The following EPSTI1 variants were observed in gnomAD, a reference collection of about 807,000 sequenced individuals.
The protein encoded by EPSTI1 is epithelial stromal interaction 1, also known as epithelial-stromal interaction protein 1.
Under a neutral mutation model 49.9 loss-of-function variants are expected in EPSTI1, and 66 were observed. That is an observed-to-expected ratio of 1.32 (90% CI 1.08 to 1.62). The LOEUF (loss-of-function observed/expected upper bound fraction) is 1.62, where lower values mean the gene tolerates loss of function less well. Ranked by LOEUF, EPSTI1 falls within the 40% of genes most tolerant of loss-of-function variation. The probability of loss-of-function intolerance (pLI) is 0.00; values close to 1 mark genes in which losing one functional copy is unlikely to be tolerated. For synonymous variants in EPSTI1, 137 were observed against 130.7 expected (o/e 1.05, Z -0.33); for missense variants, 394 against 365.5 (o/e 1.08, Z -0.64).
In EPSTI1 at chr13:42,953,939, T is replaced by C. The variant is rs2039181515; in HGVS notation, c.563+9A>G. 6.2e-7 allele frequency: 1 copy of C among 1,609,302 alleles called. No homozygotes were observed. The highest frequency in any genetic ancestry group is 1.7e-5 in the Admixed American group (1 of 59,246). On this transcript the variant is annotated intron_variant, in intron 6 of 10. Coordinates refer to ENST00000313624, the MANE Select transcript of EPSTI1 (RefSeq NM_033255.5). ...ATAAAGGCACGAAGTTCTGAAAACA[T>C]TAACTTACTATTGCTGATGCTCTCT...
intron 1 of EPSTI1, among the ~76,000 whole-genome samples, chr13:42,980,331 G>A (rs1204069209): frequency 6.6e-6 from 1 of 152,176 alleles, no homozygotes; most frequent in Non-Finnish European, 1.5e-5. Flanking sequence ...AAAGGGCATT[G>A]TATTAGTCCA....
intron 7 of EPSTI1, among the ~76,000 whole-genome samples, chr13:42,918,119 A>C (rs1255670207): frequency 1.3e-5 from 2 of 152,206 alleles, no homozygotes; most frequent in Non-Finnish European, 2.9e-5. Context: ...ATATTTTCTA[A>C]GCACTTGCAT....
intron 6 of EPSTI1, among the ~76,000 whole-genome samples, chr13:42,941,004 T>C (rs987107542): frequency 6.6e-6 from 1 of 152,204 alleles, no homozygotes; most frequent in Non-Finnish European, 1.5e-5. Flanking sequence ...TATTTTTTCC[T>C]AGATTATTAT....
chr13:42,926,216 G>A (rs189935538), intron 7 of EPSTI1, 120 bp downstream of exon 7: 39 of 723,472 alleles, frequency 5.4e-5, no homozygotes, highest in Middle Eastern at 4.8e-4. Context: ...TTCGGATCAG[G>A]TCATCTGTCT....
intron 1 of EPSTI1, among the ~76,000 whole-genome samples, chr13:42,989,873 G>A (rs547926875): frequency 1.3e-5 from 2 of 152,038 alleles, no homozygotes; most frequent in African/African-American, 4.8e-5. Context: ...GATTACAGGC[G>A]TGAGACACCA....
At chr13:42,954,453 A>C (rs759119959) in intron 5 of EPSTI1, among the ~76,000 whole-genome samples, 3 of 152,232 alleles carry the variant, frequency 2.0e-5, no homozygotes, top group Non-Finnish European at 4.4e-5. Context: ...GTATTTGAGA[A>C]GAGATTTTCA....
chr13:42,900,214 A>G, intron 9 of EPSTI1, 96 bp downstream of exon 9: 1 of 1,130,900 alleles, frequency 8.8e-7, no homozygotes, highest in East Asian at 2.4e-5. Flanking sequence ...CCAAAACCAT[A>G]TTAATAATGT....
chr13:42,897,561 T>TCATC (rs1237784701), intron 9 of EPSTI1, among the ~76,000 whole-genome samples: 1 of 152,172 alleles, frequency 6.6e-6, no homozygotes, highest in East Asian at 1.9e-4. Flanking sequence ...ACAACATGGA[T>TCATC]GATGAGTGCA....
At chr13:42,954,760 C>T (rs2039208156) in intron 5 of EPSTI1, among the ~76,000 whole-genome samples, 1 of 152,106 alleles carries the variant, frequency 6.6e-6, no homozygotes, top group Admixed American at 6.5e-5. Context: ...AATTCCTAGA[C>T]AACAAATTTA....
At chr13:42,908,484 G>GAAA (rs140923122) in intron 8 of EPSTI1, among the ~76,000 whole-genome samples, 280 of 113,166 alleles carry the variant, frequency 2.5e-3, no homozygotes, top group South Asian at 8.3e-3. Context: ...ACTCTGTTAT[G>GAAA]AAAAAAAAAA....
At chr13:42,926,295 TA>T in intron 7 of EPSTI1, 40 bp downstream of exon 7, 1 of 1,159,414 alleles carries the variant, frequency 8.6e-7, no homozygotes, top group Non-Finnish European at 1.3e-6. Flanking sequence ...AATACCTCTA[TA>T]AAATGTGCCA....
rs937802582 is a variant in EPSTI1 at position 42,887,954 on chromosome 13, A to T, written c.*540T>A. The T allele has an allele frequency of 4.8e-6, 1 of 208,854 alleles. No individual in the cohort carries two copies. The highest frequency in any genetic ancestry group is 2.3e-5 in the African/African-American group (1 of 42,910). The allele number at this position is 208,854 out of a possible 1,614,324, so 12.9% of individuals were successfully genotyped here. A position where few individuals can be genotyped will look rare whatever the true frequency, so the allele number is the denominator to read the frequency against. ...CCCTTCAAGAGAGAAAACCCCAATA[A>T]CTTTTCATTAAAAATAAAAATGACC... is the stretch of plus-strand genomic sequence containing the variant. On this transcript the variant is annotated 3_prime_UTR_variant, in exon 11 of 11. Transcript: ENST00000313624.
chr13:42,890,280 G>T (rs895783184), intron 10 of EPSTI1, among the ~76,000 whole-genome samples: 1 of 134,600 alleles, frequency 7.4e-6, no homozygotes, highest in Non-Finnish European at 1.6e-5. Flanking sequence ...CAAAATTTAA[G>T]AATTTTTTTT....
chr13:42,926,380 T>C lies in EPSTI1; in HGVS notation c.613A>G (p.Ser205Gly), dbSNP rs767137307. ...CCACAAACAGCACTTTGACAGGCAC[T>C]TCTGTCTGGCGATTCTGTGTTCAGT... is the stretch of plus-strand genomic sequence containing the variant. ...SKLNTESPDR[S>G]ACQSAVCGPQ... The change falls in exon 7 of 11, where the codon AGT (serine) becomes GGT (glycine). Residue 205 changes from serine (S) to glycine (G), a missense_variant. Physicochemically the swap from Ser to Gly is moderately conservative, Grantham distance 56. Transcript: ENST00000313624. 3 of 1,613,774 alleles carry C rather than the reference T, an allele frequency of 1.9e-6. No homozygotes were observed. Among genetic ancestry groups the C allele is most frequent in the Non-Finnish European group, 2.5e-6 (3 of 1,179,740 alleles).
At position 42,905,004 on chromosome 13, in the gene EPSTI1, A is replaced by T. The variant is rs142965489; in HGVS notation, c.742-4621T>A. 4.5e-4 allele frequency among the ~76,000 whole-genome samples: 68 copies of T among 152,298 alleles called. 1 individual carries two copies. In the East Asian group the frequency reaches 0.01, roughly 22 times the overall value. Reference sequence around the variant, plus strand: ...AACTTCTGAACCATGTGTATATATTATTTCCTCATACCATCAGTAGGAATT... The same window carrying T: ...AACTTCTGAACCATGTGTATATATTTTTTCCTCATACCATCAGTAGGAATT... On this transcript the variant is annotated intron_variant, in intron 8 of 10. Transcript: ENST00000313624.
chr13:42,900,372 C>T lies in EPSTI1; in HGVS notation c.753G>A (p.Leu251=). ...KDEQHQKSEL[L]ELKRQQQEQE... ...GCTCTTGCTGCTGCCGTTTCAGTTC[C>T]AGTAATTCACTCTAGGAACAATAAA... is the stretch of plus-strand genomic sequence containing the variant. Residue 251 remains leucine (L), a synonymous_variant, in exon 9 of 11, where the codon CTG becomes CTA. Transcript: ENST00000313624. The T allele has an allele frequency of 6.2e-7, 1 of 1,613,532 alleles. No homozygotes were observed. The highest frequency in any genetic ancestry group is 2.2e-5 in the East Asian group (1 of 44,818).
In EPSTI1 at chr13:42,970,472, T is replaced by C. The variant is rs2039738036; in HGVS notation, c.247+140A>G. 3 of 618,604 alleles carry C rather than the reference T, an allele frequency of 4.8e-6. No homozygotes were observed. The South Asian group carries it at 8.6e-5, about 18-fold the overall frequency. 38.3% of individuals were successfully genotyped at this position (618,604 alleles called of 1,614,324 possible). ...TAGTAGAATATTTTTAAAGGTATAA[T>C]CAAAACTAAAAAAAACAAAAAACCT... On this transcript the variant is annotated intron_variant, in intron 2 of 10. Coordinates refer to ENST00000313624, the MANE Select transcript of EPSTI1 (RefSeq NM_033255.5).
chr13:42,981,930 G>C (rs2039993629), intron 1 of EPSTI1, among the ~76,000 whole-genome samples: 1 of 131,584 alleles, frequency 7.6e-6, no homozygotes, highest in South Asian at 2.8e-4. Flanking sequence ...TGCAGGCTAT[G>C]ATCAGAAGTC....
intron 1 of EPSTI1, among the ~76,000 whole-genome samples, chr13:42,989,657 G>A (rs2040158342): frequency 6.9e-6 from 1 of 145,950 alleles, no homozygotes; most frequent in Admixed American, 7.1e-5. Flanking sequence ...GTAGTGGCGC[G>A]ATCTCGGCTC....
Sources: gnomAD v4.1 joint callset for allele counts (sites outside exome capture counted in the v4.1 genomes callset) on GRCh38, gnomAD v4.1.1 for gene constraint, MANE v1.5 for transcripts, NCBI Gene and HGNC (gene_info 2026-07-23, HGNC 2026-07-21) for gene names.